Variants in ANKS1B observed in about 807,000 individuals in gnomAD.
The protein encoded by ANKS1B is ankyrin repeat and sterile alpha motif domain containing 1B.
Under a neutral mutation model 148.3 loss-of-function variants are expected in ANKS1B, and 36 were observed. The ratio of observed to expected loss-of-function variants is 0.24; its 90% CI spans 0.19 to 0.32. The LOEUF (loss-of-function observed/expected upper bound fraction) is 0.32, where lower values mean the gene tolerates loss of function less well. Among genes scored for constraint, ANKS1B ranks in the 10% least tolerant of loss-of-function variants. The probability of loss-of-function intolerance (pLI) is 1.00; values close to 1 mark genes in which losing one functional copy is unlikely to be tolerated. For missense variants in ANKS1B, 1,157 were observed against 1,542.6 expected, an observed-to-expected ratio of 0.75 and a Z score of 4.19; for synonymous variants, 542 against 560.8, an observed-to-expected ratio of 0.97 and a Z score of 0.47.
intron 12 of ANKS1B, among the ~76,000 whole-genome samples, chr12:99,316,499 A>G (rs572460077): frequency 6.6e-6 from 1 of 151,982 alleles, no homozygotes; most frequent in South Asian, 2.1e-4. Flanking sequence ...ATATCCTTTG[A>G]CCACTTTTTG....
At chr12:99,232,481 C>A (rs1000693668) in intron 14 of ANKS1B, among the ~76,000 whole-genome samples, 2 of 152,204 alleles carry the variant, frequency 1.3e-5, no homozygotes, top group African/African-American at 4.8e-5. Flanking sequence ...GAAGCCTGAG[C>A]GCTTGATTAC....
At chr12:99,258,610 G>GTTTTTTT (rs56955440) in intron 12 of ANKS1B, among the ~76,000 whole-genome samples, 2 of 134,748 alleles carry the variant, frequency 1.5e-5, no homozygotes, top group African/African-American at 2.7e-5. Context: ...TTATCCACTT[G>GTTTTTTT]TTTTTTTTTT....
intron 17 of ANKS1B, among the ~76,000 whole-genome samples, chr12:98,909,602 G>T (rs2099783983): frequency 6.6e-6 from 1 of 152,144 alleles, no homozygotes; most frequent in Non-Finnish European, 1.5e-5. Flanking sequence ...TTGACTTTAA[G>T]CATTCCTGGG....
intron 16 of ANKS1B, among the ~76,000 whole-genome samples, chr12:99,071,330 T>C (rs535661633): frequency 2.0e-5 from 3 of 152,348 alleles, no homozygotes; most frequent in South Asian, 2.1e-4. Context: ...AAATAAGAAA[T>C]ATAGCCAAAT....
At chr12:99,627,837 G>A (rs2098124583) in intron 9 of ANKS1B, among the ~76,000 whole-genome samples, 1 of 152,164 alleles carries the variant, frequency 6.6e-6, no homozygotes, top group African/African-American at 2.4e-5. Flanking sequence ...TTCTGGTGGA[G>A]AGGATTAAAT....
intron 12 of ANKS1B, among the ~76,000 whole-genome samples, chr12:99,265,122 T>G (rs2076315523): frequency 6.6e-6 from 1 of 152,180 alleles, no homozygotes; most frequent in African/African-American, 2.4e-5. Context: ...AATTTTACTT[T>G]AAATAGTCAC....
chr12:99,553,459 C>A (rs2097244455), intron 9 of ANKS1B, among the ~76,000 whole-genome samples: 1 of 152,094 alleles, frequency 6.6e-6, no homozygotes, highest in African/African-American at 2.4e-5. Context: ...AGCTCTTTGA[C>A]TTTATTTGAA....
intron 16 of ANKS1B, among the ~76,000 whole-genome samples, chr12:99,068,463 C>T (rs1244835493): frequency 1.3e-5 from 2 of 152,072 alleles, no homozygotes; most frequent in African/African-American, 4.8e-5. Flanking sequence ...CTTATGGGAC[C>T]TCTTATATAT....
intron 17 of ANKS1B, among the ~76,000 whole-genome samples, chr12:98,905,976 A>G (rs906132083): frequency 2.6e-5 from 4 of 152,190 alleles, no homozygotes; most frequent in Non-Finnish European, 4.4e-5. Context: ...CTTTGTTGGG[A>G]CCTGGGATAG....
rs2093346180 is a variant in ANKS1B at position 99,375,302 on chromosome 12, A to AG, written c.1756+24328dup. ...AATTGCCCAATATGCCCTGGGAGGA[A>AG]GGGGTAAAATCACCCCAAGTTGAGA... is the stretch of plus-strand genomic sequence containing the variant. On this transcript the variant is annotated intron_variant, in intron 12 of 26. Transcript: ENST00000683438. Among the ~76,000 whole-genome samples, 4 of 152,330 alleles carry AG rather than the reference A, an allele frequency of 2.6e-5. No individual in the cohort carries two copies. In the South Asian group the frequency reaches 8.3e-4, roughly 32 times the overall value.
intron 9 of ANKS1B, among the ~76,000 whole-genome samples, chr12:99,633,854 T>C (rs1280030283): frequency 1.3e-4 from 20 of 152,206 alleles, no homozygotes; most frequent in Admixed American, 1.3e-3. Context: ...AAAGAAGACA[T>C]TTATGAAGCC....
chr12:98,886,269 C>A (rs1258006213), intron 17 of ANKS1B, among the ~76,000 whole-genome samples: 1 of 152,062 alleles, frequency 6.6e-6, no homozygotes, highest in African/African-American at 2.4e-5. Context: ...AAATTAAGGA[C>A]TAAAGATCAT....
chr12:99,726,587 T>C (rs2058642058), intron 8 of ANKS1B, among the ~76,000 whole-genome samples: 1 of 152,200 alleles, frequency 6.6e-6, no homozygotes, highest in Non-Finnish European at 1.5e-5. Context: ...CCATTCCTTC[T>C]GAATATGATC....
rs547994605 is a variant in ANKS1B, at chr12:99,612,793, T to C, written c.1272+42274A>G. On this transcript the variant is annotated intron_variant, in intron 9 of 26. Transcript: ENST00000683438. ...AAACATTAAAACATTATTCTTTGCA[T>C]TGCGTAAGTTAAAAAAACTGTTTAG... Among the ~76,000 whole-genome samples, 135 of 152,252 alleles carry C rather than the reference T, an allele frequency of 8.9e-4. 1 individual carries two copies. Among genetic ancestry groups the C allele is most frequent in the African/African-American group, 3.2e-3 (133 of 41,574 alleles).
chr12:99,090,643 C>G (rs1455858132), intron 15 of ANKS1B, among the ~76,000 whole-genome samples: 1 of 152,008 alleles, frequency 6.6e-6, no homozygotes, highest in Non-Finnish European at 1.5e-5. Flanking sequence ...CCTTTTATAA[C>G]ATAAATAGCA....
chr12:98,968,606 G>A (rs1189416204), intron 17 of ANKS1B, among the ~76,000 whole-genome samples: 1 of 152,160 alleles, frequency 6.6e-6, no homozygotes, highest in African/African-American at 2.4e-5. Flanking sequence ...ACTTTGGAGA[G>A]GGGAAGGTAT....
At chr12:99,468,894 G>T (rs1268928250) in intron 10 of ANKS1B, among the ~76,000 whole-genome samples, 2 of 152,088 alleles carry the variant, frequency 1.3e-5, no homozygotes, top group Non-Finnish European at 2.9e-5. Context: ...ATTCCTCAGG[G>T]ATCTAGAACT....
exon 10 of ANKS1B, chr12:98,735,448 C>A: frequency 2.2e-6 from 1 of 455,208 alleles, no homozygotes; most frequent in Non-Finnish European, 4.0e-6. Flanking sequence ...TGGATTGTTT[C>A]ATTCTTTGCT....
chr12:99,400,920 C>T (rs1464284488), intron 11 of ANKS1B, among the ~76,000 whole-genome samples: 1 of 144,900 alleles, frequency 6.9e-6, no homozygotes, highest in Non-Finnish European at 1.5e-5. Context: ...TCATTTTCTT[C>T]CAAGTAGATA....
Sources: allele counts gnomAD v4.1 joint callset (sites outside exome capture counted in the v4.1 genomes callset), GRCh38; gene constraint gnomAD v4.1.1; transcripts MANE v1.5; gene names NCBI Gene and HGNC (gene_info 2026-07-23, HGNC 2026-07-21).